Variants in TUSC3 observed in about 807,000 individuals in gnomAD.
The protein encoded by TUSC3 is dolichyl-diphosphooligosaccharide--protein glycosyltransferase subunit TUSC3.
A neutral mutation model predicts 44.8 loss-of-function variants in TUSC3; 45 were observed. The observed-to-expected ratio is 1.00, with a 90% confidence interval of 0.79 to 1.29. The LOEUF (loss-of-function observed/expected upper bound fraction) is 1.29. Ranked by LOEUF, TUSC3 falls within the 50% of genes most tolerant of loss-of-function variation. The pLI is 0.00. For missense variants in TUSC3, 519 were observed against 437.9 expected (o/e 1.19, Z -1.65); for synonymous variants, 212 against 152.9 (o/e 1.39, Z -2.85).
At chr8:15,747,079 A>AACTT (rs559998109) in intron 8 of TUSC3, among the ~76,000 whole-genome samples, 361 of 152,174 alleles carry the variant, frequency 2.4e-3, no homozygotes, top group Non-Finnish European at 4.4e-3. Context: ...TCATATTCAA[A>AACTT]ACTTAGAAGA....
chr8:15,709,959 G>C (rs1011101595), intron 6 of TUSC3, among the ~76,000 whole-genome samples: 1 of 151,790 alleles, frequency 6.6e-6, no homozygotes, highest in African/African-American at 2.4e-5. Flanking sequence ...AAAGTCTTCT[G>C]TGACTTCCTT....
chr8:15,734,659 A>G (rs1315240037), intron 7 of TUSC3, among the ~76,000 whole-genome samples: 1 of 152,226 alleles, frequency 6.6e-6, no homozygotes, highest in East Asian at 1.9e-4. Flanking sequence ...ACAGTGAGAC[A>G]AATGTATGCG....
chr8:15,617,891 G>A (rs1287130867), intron 1 of TUSC3, among the ~76,000 whole-genome samples: 1 of 152,082 alleles, frequency 6.6e-6, no homozygotes, highest in Non-Finnish European at 1.5e-5. Context: ...TATGCTCACC[G>A]AAACCTAGAT....
intron 10 of TUSC3, among the ~76,000 whole-genome samples, chr8:15,762,577 T>A (rs974560123): frequency 2.0e-5 from 3 of 152,126 alleles, no homozygotes; most frequent in African/African-American, 7.2e-5. Context: ...CAATAAAGAT[T>A]ACCTTTAGTG....
At chr8:15,826,380 C>T in the TUSC3 span, among the ~76,000 whole-genome samples, 2 of 152,174 alleles carry the variant, frequency 1.3e-5, no homozygotes, top group Non-Finnish European at 2.9e-5. Flanking sequence ...TCTATGCTTT[C>T]AATAGCTTTA....
At chr8:15,631,870 T>C (rs1805781485) in intron 2 of TUSC3, among the ~76,000 whole-genome samples, 1 of 152,050 alleles carries the variant, frequency 6.6e-6, no homozygotes, top group African/African-American at 2.4e-5. Flanking sequence ...CATGCCTGGC[T>C]AAATTTTTTT....
At chr8:15,713,269 T>C (rs931116321) in intron 6 of TUSC3, among the ~76,000 whole-genome samples, 2 of 152,196 alleles carry the variant, frequency 1.3e-5, no homozygotes, top group African/African-American at 4.8e-5. Flanking sequence ...TTTTCTGTGC[T>C]TTTCCACACA....
At chr8:15,505,023 C>T (rs1459891095) in intron 2 of TUSC3, among the ~76,000 whole-genome samples, 1 of 152,094 alleles carries the variant, frequency 6.6e-6, no homozygotes, top group East Asian at 1.9e-4. Context: ...ATCTATTAAA[C>T]ATTAACCAAA....
At chr8:15,691,809 C>T (rs957888838) in intron 6 of TUSC3, among the ~76,000 whole-genome samples, 17 of 152,164 alleles carry the variant, frequency 1.1e-4, no homozygotes, top group African/African-American at 2.2e-4. Context: ...GAGACAGTCT[C>T]GCTCTGTTGC....
At chr8:15,709,797 C>T (rs1563184123) in intron 6 of TUSC3, among the ~76,000 whole-genome samples, 1 of 151,830 alleles carries the variant, frequency 6.6e-6, no homozygotes. Context: ...TCCACTGCAA[C>T]TAGACCTGTC....
At chr8:15,506,569 A>T (rs762818724) in intron 2 of TUSC3, among the ~76,000 whole-genome samples, 11 of 152,214 alleles carry the variant, frequency 7.2e-5, no homozygotes, top group Non-Finnish European at 1.6e-4. Context: ...GGGAGGCCTC[A>T]CAATCATGGC....
chr8:15,592,132 C>T (rs114246954), intron 1 of TUSC3, among the ~76,000 whole-genome samples: 299 of 152,200 alleles, frequency 2.0e-3, no homozygotes, highest in African/African-American at 6.8e-3. Context: ...GCAGATACTT[C>T]CTAGATTCTT....
Position 15,735,553 on chromosome 8 carries a change from T to C in TUSC3, c.862+4824T>C, listed in dbSNP as rs146957861. Among the ~76,000 whole-genome samples the C allele has an allele frequency of 4.6e-5, 7 of 152,368 alleles. No individual in the cohort carries two copies. The East Asian group carries it at 1.3e-3, about 29-fold the overall frequency. On this transcript the variant is annotated intron_variant, in intron 7 of 10. Transcript: ENST00000503731. Reference sequence around the variant, plus strand: ...TAAAACTTTTAACCCATTGTTTTTCTACTTAGTAATATTTTGCCAATAAAT... The same window carrying C: ...TAAAACTTTTAACCCATTGTTTTTCCACTTAGTAATATTTTGCCAATAAAT...
At chr8:15,566,336 G>C (rs889512513) in intron 1 of TUSC3, among the ~76,000 whole-genome samples, 5 of 152,116 alleles carry the variant, frequency 3.3e-5, no homozygotes, top group Non-Finnish European at 5.9e-5. Context: ...CTGGAGCTCA[G>C]AAACGGATTT....
intron 6 of TUSC3, among the ~76,000 whole-genome samples, chr8:15,691,273 G>T (rs1212826016): frequency 6.6e-6 from 1 of 152,066 alleles, no homozygotes; most frequent in Non-Finnish European, 1.5e-5. Flanking sequence ...TGTGGCAGTT[G>T]TGAATGGGAT....
In TUSC3 at chr8:15,556,502, CCTTTGGGTAT is replaced by C. The variant is rs1802271934; in HGVS notation, c.138+15935_138+15944del. Among the ~76,000 whole-genome samples the C allele has an allele frequency of 1.6e-4, 24 of 151,206 alleles. 1 individual carries two copies. Among genetic ancestry groups the C allele is most frequent in the Non-Finnish European group, 3.3e-4 (22 of 67,682 alleles). On this transcript the variant is annotated intron_variant, in intron 1 of 10. Coordinates refer to ENST00000503731, the MANE Select transcript of TUSC3 (RefSeq NM_006765.4). ...TCCTTATAGCAATACGATTTATAGT[CCTTTGGGTAT>C]ATACCCAGTAATGGGATGGCTGGGT...
intron 5 of TUSC3, among the ~76,000 whole-genome samples, chr8:15,667,352 C>T (rs750455877): frequency 2.0e-5 from 3 of 151,512 alleles, no homozygotes; most frequent in Non-Finnish European, 4.4e-5. Flanking sequence ...CTGTATAACA[C>T]TGAAACCAAG....
At chr8:15,808,098 TTAC>T in the TUSC3 span, among the ~76,000 whole-genome samples, 4 of 152,178 alleles carry the variant, frequency 2.6e-5, no homozygotes, top group Non-Finnish European at 4.4e-5. Flanking sequence ...GAACATATTA[TTAC>T]AGTACTCATA....
At chr8:15,528,237 G>C (rs1371713000) in intron 2 of TUSC3, among the ~76,000 whole-genome samples, 1 of 152,016 alleles carries the variant, frequency 6.6e-6, no homozygotes, top group Non-Finnish European at 1.5e-5. Flanking sequence ...GAAATGACAA[G>C]GTTAAAATTA....
Sources: gnomAD v4.1 joint callset for allele counts (sites outside exome capture counted in the v4.1 genomes callset) on GRCh38, gnomAD v4.1.1 for gene constraint, MANE v1.5 for transcripts, NCBI Gene and HGNC (gene_info 2026-07-23, HGNC 2026-07-21) for gene names.